The following NR1I2 variants were observed in gnomAD, a reference collection of about 807,000 sequenced individuals.
NR1I2 encodes the protein orphan nuclear receptor PAR1.
NR1I2 carries 42 observed loss-of-function variants against 43.3 expected under a neutral mutation model. That is an observed-to-expected ratio of 0.97 (90% CI 0.76 to 1.26). The LOEUF is 1.26. NR1I2 is among the 50% of genes most tolerant of loss of function. The pLI is 0.00. For synonymous variants in NR1I2, 229 were observed against 215.0 expected, an observed-to-expected ratio of 1.06 and a Z score of -0.57; for missense variants, 559 against 566.7, an observed-to-expected ratio of 0.99 and a Z score of 0.14.
intron 3 of NR1I2, chr3:119,810,459 C>A (rs930318038): frequency 9.0e-6 from 5 of 555,316 alleles, no homozygotes; most frequent in Non-Finnish European, 1.6e-5. Context: ...CTCTGTCTCC[C>A]CTCAGTTGCT....
At chr3:119,813,573 C>A (rs1393570304) in intron 5 of NR1I2, among the ~76,000 whole-genome samples, 2 of 152,086 alleles carry the variant, frequency 1.3e-5, no homozygotes, top group African/African-American at 2.4e-5. Flanking sequence ...TTGGGTAGGC[C>A]ACCTTGCCTT....
At chr3:119,815,561 G>C in intron 7 of NR1I2, 122 bp downstream of exon 7, 1 of 1,043,686 alleles carries the variant, frequency 9.6e-7, no homozygotes, top group Non-Finnish European at 1.5e-6. Flanking sequence ...GCTCTCGCTG[G>C]TTTCTCCTGG....
intron 1 of NR1I2, among the ~76,000 whole-genome samples, chr3:119,805,533 T>C (rs887867217): frequency 1.3e-5 from 2 of 151,966 alleles, no homozygotes; most frequent in African/African-American, 2.4e-5. Flanking sequence ...TGAAACCCCA[T>C]CTCTACTGAA....
At chr3:119,798,721 A>C (rs1488613910) in intron 1 of NR1I2, among the ~76,000 whole-genome samples, 3 of 152,052 alleles carry the variant, frequency 2.0e-5, no homozygotes, top group Non-Finnish European at 1.5e-5. Context: ...ACTCTCAGCC[A>C]CAGGCAACCA....
At chr3:119,803,911 C>A (rs1249202939) in intron 1 of NR1I2, among the ~76,000 whole-genome samples, 1 of 152,046 alleles carries the variant, frequency 6.6e-6, no homozygotes, top group African/African-American at 2.4e-5. Flanking sequence ...GCACGCGCCA[C>A]CACACTCAGC....
intron 2 of NR1I2, among the ~76,000 whole-genome samples, chr3:119,809,719 T>G (rs2107971718): frequency 6.6e-6 from 1 of 152,198 alleles, no homozygotes; most frequent in Middle Eastern, 3.4e-3. Flanking sequence ...GGGACAGGTG[T>G]TTCAGGAAGA....
chr3:119,784,927 C>T (rs1302906418), intron 1 of NR1I2, among the ~76,000 whole-genome samples: 1 of 152,070 alleles, frequency 6.6e-6, no homozygotes. Flanking sequence ...TGATATTTTG[C>T]CTAGTTACCT....
intron 1 of NR1I2, among the ~76,000 whole-genome samples, chr3:119,786,392 C>T (rs538509153): frequency 1.3e-5 from 2 of 152,290 alleles, no homozygotes; most frequent in East Asian, 3.9e-4. Flanking sequence ...TGCAACACCT[C>T]CTGAACCTCT....
chr3:119,782,527 C>T (rs1315359654), intron 1 of NR1I2, among the ~76,000 whole-genome samples: 3 of 145,098 alleles, frequency 2.1e-5, no homozygotes, highest in Non-Finnish European at 4.6e-5. Context: ...TGGTCCTGCA[C>T]TAGCCTCCTA....
chr3:119,786,065 A>T (rs1055740788), intron 1 of NR1I2, among the ~76,000 whole-genome samples: 1 of 152,230 alleles, frequency 6.6e-6, no homozygotes, highest in South Asian at 2.1e-4. Flanking sequence ...TCATATCTCC[A>T]TAGTTAATTA....
At chr3:119,816,514 C>T (rs778316838) in intron 8 of NR1I2, among the ~76,000 whole-genome samples, 45 of 152,192 alleles carry the variant, frequency 3.0e-4, no homozygotes, top group Non-Finnish European at 5.4e-4. Flanking sequence ...ACGGAAGTCT[C>T]TGTGTACAAA....
chr3:119,809,659 G>A (rs1273677736), intron 2 of NR1I2, among the ~76,000 whole-genome samples: 24 of 152,124 alleles, frequency 1.6e-4, no homozygotes, highest in Admixed American at 1.5e-3. Context: ...AATCGAGGAA[G>A]AGGCCCATCT....
rs1047883186 is a variant in NR1I2 at position 119,807,359 on chromosome 3, G to A, written c.109G>A (p.Gly37Ser). The A allele has an allele frequency of 1.2e-6, 2 of 1,614,196 alleles. No homozygotes were observed. Among genetic ancestry groups the A allele is most frequent in the Non-Finnish European group, 1.7e-6 (2 of 1,180,028 alleles). The stretch of plus-strand genomic sequence containing the variant: ...TGTCAACGCAGATGAGGAAGTCGGA[G>A]GTCCCCAAATCTGCCGTGTATGTGG... The change falls in exon 2 of 9, where the codon GGT becomes AGT. Residue 37 changes from glycine to serine, a missense_variant. Physicochemically the swap from Gly to Ser is moderately conservative, Grantham distance 56. Around this residue, in one of 3 missense-constraint regions of NR1I2, gnomAD observed 232 missense variants for 236.6 expected, o/e 0.98. Coordinates refer to ENST00000393716, the MANE Select transcript of NR1I2 (RefSeq NM_003889.4).
rs1391076748 is a variant in NR1I2, at chr3:119,817,129, AC to A, written c.1225del (p.Gln409SerfsTer74). ...GCTCCGCAGCATCAATGCTCAGCAC[AC>A]CCAGCGGCTGCTGCGCATCCAGGAC... On this transcript the variant is annotated frameshift_variant, in exon 9 of 9. Coordinates refer to ENST00000393716, the MANE Select transcript of NR1I2 (RefSeq NM_003889.4). LOFTEE classifies it high-confidence loss of function. 1 of 1,613,982 alleles carries A rather than the reference AC, an allele frequency of 6.2e-7. No individual in the cohort carries two copies. Among genetic ancestry groups the A allele is most frequent in the Non-Finnish European group, 8.5e-7 (1 of 1,180,010 alleles).
At chr3:119,792,199 T>C in intron 1 of NR1I2, 1 of 1,299,092 alleles carries the variant, frequency 7.7e-7, no homozygotes, top group Non-Finnish European at 1.1e-6. Context: ...ACTGAGATCC[T>C]CAAGTCAGTG....
At chr3:119,795,546 C>G (rs2054986344) in intron 1 of NR1I2, among the ~76,000 whole-genome samples, 1 of 152,146 alleles carries the variant, frequency 6.6e-6, no homozygotes, top group South Asian at 2.1e-4. Flanking sequence ...CTCTGGGCTC[C>G]CCGTTAATCT....
In NR1I2 at chr3:119,811,688, A is replaced by G. The variant is rs1224625973; in HGVS notation, c.481A>G (p.Thr161Ala). 7 of 1,613,134 alleles carry G rather than the reference A, an allele frequency of 4.3e-6. No individual in the cohort carries two copies. The highest frequency in any genetic ancestry group is 5.9e-6 in the Non-Finnish European group (7 of 1,179,614). ...GGAGCTGATGGACGCTCAGATGAAA[A>G]CCTTTGACACTACCTTCTCCCATTT... is the stretch of plus-strand genomic sequence containing the variant. Residue 161 changes from threonine (T) to alanine (A), a missense_variant, in exon 4 of 9, where the codon ACC (threonine) becomes GCC (alanine). By Grantham distance (58) the Thr-to-Ala change is moderately conservative (BLOSUM62 0). This residue lies in a region of NR1I2 where 232 missense variants were observed against 236.6 expected (regional missense o/e 0.98). Transcript: ENST00000393716.
chr3:119,802,535 T>C (rs549412521), intron 1 of NR1I2, among the ~76,000 whole-genome samples: 3 of 152,312 alleles, frequency 2.0e-5, no homozygotes, highest in South Asian at 2.1e-4. Context: ...AAGTTCACAA[T>C]TGATGTGCAG....
chr3:119,784,298 C>T lies in NR1I2; in HGVS notation c.-23+1998C>T, dbSNP rs80043019. ...CCCATTATTTCAATATTTTAATTTC[C>T]CTGATTATTAATGAAGTTGAGCATT... On this transcript the variant is annotated intron_variant, in intron 1 of 8. Transcript: ENST00000393716. Among the ~76,000 whole-genome samples the T allele has an allele frequency of 3.2e-3, 488 of 152,228 alleles. 2 individuals are homozygous for T. The highest frequency in any genetic ancestry group is 5.1e-3 in the Non-Finnish European group (350 of 68,006).
Sources: allele counts gnomAD v4.1 joint callset (sites outside exome capture counted in the v4.1 genomes callset), GRCh38; gene constraint gnomAD v4.1.1; regional missense constraint gnomAD v4.1.1; transcripts MANE v1.5; gene names NCBI Gene and HGNC (gene_info 2026-07-23, HGNC 2026-07-21).